The following PDZD2 variants were observed in gnomAD, a reference collection of about 807,000 sequenced individuals.
PDZD2 encodes the protein PDZ domain containing 2.
In PDZD2, 90 loss-of-function variants were observed where a neutral mutation model predicts 220.7. The ratio of observed to expected loss-of-function variants is 0.41; its 90% CI spans 0.34 to 0.49. The LOEUF is 0.49. Among genes scored for constraint, PDZD2 ranks in the 20% least tolerant of loss-of-function variants. The pLI, the probability that PDZD2 is intolerant of heterozygous loss-of-function variation, is 0.28. For synonymous variants in PDZD2, 1,375 were observed against 1,450.5 expected (o/e 0.95, Z 1.18); for missense variants, 3,174 against 3,608.5 (o/e 0.88, Z 3.08).
intron 2 of PDZD2, among the ~76,000 whole-genome samples, chr5:31,871,023 T>C (rs934508619): frequency 2.0e-5 from 3 of 152,192 alleles, no homozygotes; most frequent in African/African-American, 4.8e-5. Context: ...AATGCCACTG[T>C]AGACTTTAAA....
intron 1 of PDZD2, among the ~76,000 whole-genome samples, chr5:31,680,347 C>G (rs1746603057): frequency 6.6e-6 from 1 of 152,124 alleles, no homozygotes; most frequent in South Asian, 2.1e-4. Context: ...GCTTGGTAGA[C>G]ATTGCAAAAG....
chr5:31,811,415 C>T (rs374317367), intron 2 of PDZD2, among the ~76,000 whole-genome samples: 1 of 152,214 alleles, frequency 6.6e-6, no homozygotes, highest in Non-Finnish European at 1.5e-5. Context: ...TGACTCATCC[C>T]TCAGGGCTCT....
At chr5:31,722,054 C>G (rs1028866634) in intron 1 of PDZD2, among the ~76,000 whole-genome samples, 2 of 152,116 alleles carry the variant, frequency 1.3e-5, no homozygotes, top group African/African-American at 4.8e-5. Flanking sequence ...GTCTTCTTCT[C>G]CCCAGGTGCA....
chr5:31,953,903 C>G (rs1168567920), intron 2 of PDZD2, among the ~76,000 whole-genome samples: 3 of 152,064 alleles, frequency 2.0e-5, no homozygotes, highest in African/African-American at 7.2e-5. Context: ...CCCACCTCGG[C>G]CTCCCAAAGT....
rs374855944 is a variant in PDZD2 at position 31,822,890 on chromosome 5, C to A, written c.476+23166C>A. The A allele has an allele frequency of 9.5e-5, 78 of 823,656 alleles. No homozygotes were observed. In the African/African-American group the frequency reaches 1.2e-3, roughly 12 times the overall value. 51.0% of individuals were successfully genotyped at this position (823,656 alleles called of 1,614,324 possible). ...TTGTAACGGAAGCCCAGTGTGACAC[C>A]CTTGATCATGTTCTGTGCATAACTA... On this transcript the variant is annotated intron_variant, in intron 2 of 24. Transcript: ENST00000438447.
At chr5:31,710,738 C>T (rs971224728) in intron 1 of PDZD2, among the ~76,000 whole-genome samples, 2 of 151,436 alleles carry the variant, frequency 1.3e-5, no homozygotes, top group Admixed American at 1.3e-4. Flanking sequence ...ATCGCTTGAA[C>T]CTGGGAGGTG....
At chr5:31,751,278 G>C (rs6879945) in intron 1 of PDZD2, among the ~76,000 whole-genome samples, 4,579 of 148,706 alleles carry the variant, frequency 0.031, 262 homozygotes, top group African/African-American at 0.11. Context: ...TGATTAAATT[G>C]ACCGTTTCTC....
At chr5:32,077,024 C>A (rs141142552) in intron 18 of PDZD2, among the ~76,000 whole-genome samples, 285 of 152,296 alleles carry the variant, frequency 1.9e-3, no homozygotes, top group African/African-American at 6.3e-3. Flanking sequence ...GACACTTAGC[C>A]AAAGTGAAGT....
At chr5:31,881,372 ATATT>A (rs1561537717) in intron 2 of PDZD2, among the ~76,000 whole-genome samples, 4 of 125,932 alleles carry the variant, frequency 3.2e-5, no homozygotes, top group Non-Finnish European at 6.6e-5. Flanking sequence ...GTGTGTGTAT[ATATT>A]TTTTTTTTTT....
At chr5:31,813,429 G>A (rs575462023) in intron 2 of PDZD2, among the ~76,000 whole-genome samples, 2 of 122,744 alleles carry the variant, frequency 1.6e-5, no homozygotes, top group Admixed American at 1.1e-4. Context: ...CAGCCTGGGC[G>A]ACAGAGCGAG....
chr5:32,091,311 G>C (rs1169390619), intron 20 of PDZD2, 136 bp downstream of exon 20: 1 of 622,946 alleles, frequency 1.6e-6, no homozygotes, highest in African/African-American at 2.1e-5. Flanking sequence ...TTGAGATGGA[G>C]CATCGCTCTG....
chr5:32,069,441 G>T, intron 14 of PDZD2, 128 bp from the exon 15 acceptor site: 1 of 638,008 alleles, frequency 1.6e-6, no homozygotes, highest in Non-Finnish European at 2.9e-6. Flanking sequence ...TTCGGAGGAT[G>T]GTCATAATCC....
intron 1 of PDZD2, among the ~76,000 whole-genome samples, chr5:31,798,402 G>T (rs192112490): frequency 6.6e-6 from 1 of 152,018 alleles, no homozygotes; most frequent in Non-Finnish European, 1.5e-5. Context: ...GGTGTTGATC[G>T]GATCTTTCTT....
chr5:31,908,522 C>T, intron 2 of PDZD2: 2 of 1,089,246 alleles, frequency 1.8e-6, no homozygotes, highest in Non-Finnish European at 2.7e-6. Flanking sequence ...GCTGAAGGCC[C>T]CGAGGGCGAG....
At chr5:31,903,677 AAAAG>A (rs1209167134) in intron 2 of PDZD2, among the ~76,000 whole-genome samples, 63 of 151,692 alleles carry the variant, frequency 4.2e-4, no homozygotes, top group Non-Finnish European at 8.7e-4. Flanking sequence ...AGAAAAAAGA[AAAAG>A]AAAGGAAAAG....
intron 10 of PDZD2, 80 bp from the exon 11 acceptor site, chr5:32,057,575 C>T: frequency 3.7e-6 from 3 of 814,550 alleles, no homozygotes; most frequent in South Asian, 1.6e-5. Flanking sequence ...ATATGGTATC[C>T]CAAAATAAGT....
chr5:31,969,304 C>T (rs977114326), intron 2 of PDZD2, among the ~76,000 whole-genome samples: 1 of 151,696 alleles, frequency 6.6e-6, no homozygotes, highest in South Asian at 2.1e-4. Flanking sequence ...CTCAGGAGTT[C>T]GAGACCAGCC....
chr5:31,698,746 G>T (rs1411081447), intron 1 of PDZD2, among the ~76,000 whole-genome samples: 1 of 152,110 alleles, frequency 6.6e-6, no homozygotes, highest in Non-Finnish European at 1.5e-5. Flanking sequence ...TATAAATGAG[G>T]ACGCCAAGGC....
chr5:31,722,697 G>T (rs253923), intron 1 of PDZD2, among the ~76,000 whole-genome samples: 85,606 of 150,278 alleles, frequency 0.57, 24,695 homozygotes, highest in East Asian at 0.78. Context: ...TTTTTTTGTT[G>T]TTTTTTTTTT....
Sources: allele counts gnomAD v4.1 joint callset (sites outside exome capture counted in the v4.1 genomes callset), GRCh38; gene constraint gnomAD v4.1.1; transcripts MANE v1.5; gene names NCBI Gene and HGNC (gene_info 2026-07-23, HGNC 2026-07-21).